KIRREL1: variants seen among roughly 807,000 people sequenced by gnomAD.
KIRREL1 encodes kin of IRRE-like protein 1.
A neutral mutation model predicts 83.3 loss-of-function variants in KIRREL1; 25 were observed. The ratio of observed to expected loss-of-function variants is 0.30; its 90% confidence interval spans 0.22 to 0.42. The LOEUF is 0.42. KIRREL1 is among the 10% of genes least tolerant of loss of function. The pLI, the probability that KIRREL1 is intolerant of heterozygous loss-of-function variation, is 1.00. For synonymous variants in KIRREL1, 388 were observed against 410.4 expected, an observed-to-expected ratio of 0.95 and a Z score of 0.66; for missense variants, 812 against 1,032.3, an observed-to-expected ratio of 0.79 and a Z score of 2.92.
At chr1:157,997,604 T>C (rs1310271146) in intron 1 of KIRREL1, among the ~76,000 whole-genome samples, 1 of 152,082 alleles carries the variant, frequency 6.6e-6, no homozygotes, top group East Asian at 1.9e-4. Flanking sequence ...ACTGACCCCC[T>C]CCTTGGAGAC....
intron 1 of KIRREL1, among the ~76,000 whole-genome samples, chr1:158,066,116 C>T (rs1300892879): frequency 6.6e-6 from 1 of 152,014 alleles, no homozygotes; most frequent in African/African-American, 2.4e-5. Context: ...TGTGCCCTGC[C>T]TCTAGAGAGG....
chr1:158,046,434 G>A (rs1450581341), intron 1 of KIRREL1, among the ~76,000 whole-genome samples: 1 of 152,162 alleles, frequency 6.6e-6, no homozygotes, highest in Non-Finnish European at 1.5e-5. Context: ...CAGCCAAGTG[G>A]GGGTGTCCAG....
rs1029568950 is a variant in KIRREL1 at position 158,000,072 on chromosome 1, G to GA, written c.52+6344_52+6345insA. Among the ~76,000 whole-genome samples, 15 of 150,736 alleles carry GA rather than the reference G, an allele frequency of 1.0e-4. No homozygotes were observed. In the Admixed American group the frequency reaches 1.0e-3, roughly 10 times the overall value. On this transcript the variant is annotated intron_variant, in intron 1 of 14. Coordinates refer to ENST00000359209, the MANE Select transcript of KIRREL1 (RefSeq NM_018240.7). Reference sequence around the variant, plus strand: ...ACCCAAGCAGGAAAGATGGGGTGGGGGCTGAGGATAATTCCTAGAAGGAAG... The same window carrying GA: ...ACCCAAGCAGGAAAGATGGGGTGGGGAGCTGAGGATAATTCCTAGAAGGAAG...
chr1:158,040,229 G>T lies in KIRREL1; in HGVS notation c.53-35884G>T, dbSNP rs544513038. 1.9e-4 allele frequency among the ~76,000 whole-genome samples: 29 copies of T among 152,250 alleles called. 1 individual carries two copies. Among genetic ancestry groups the T allele is most frequent in the African/African-American group, 6.7e-4 (28 of 41,550 alleles). On this transcript the variant is annotated intron_variant, in intron 1 of 14. Transcript: ENST00000359209. ...GACCCTTATGTAAGACCATTCCTGG[G>T]CTTGACCTCCAGGATGTAGATATAA...
intron 1 of KIRREL1, among the ~76,000 whole-genome samples, chr1:158,043,536 G>T (rs1660698381): frequency 6.6e-6 from 1 of 152,216 alleles, no homozygotes; most frequent in Admixed American, 6.5e-5. Context: ...TGATAGTTCA[G>T]GGGAGTTTGA....
intron 1 of KIRREL1, among the ~76,000 whole-genome samples, chr1:158,036,433 G>T (rs1490741533): frequency 6.6e-6 from 1 of 152,176 alleles, no homozygotes; most frequent in Admixed American, 6.5e-5. Context: ...AAGGGGACAT[G>T]CATGATGCTT....
chr1:158,068,391 G>A (rs1661413410), intron 1 of KIRREL1, among the ~76,000 whole-genome samples: 1 of 152,110 alleles, frequency 6.6e-6, no homozygotes, highest in Non-Finnish European at 1.5e-5. Context: ...TCAAAGGAGG[G>A]GGTTAAGGGT....
At chr1:158,070,963 G>A (rs965523789) in intron 1 of KIRREL1, among the ~76,000 whole-genome samples, 10 of 152,162 alleles carry the variant, frequency 6.6e-5, no homozygotes, top group African/African-American at 9.6e-5. Context: ...GGGCCTTCTC[G>A]TAATTTCCTA....
At chr1:158,033,699 G>A (rs1328155739) in intron 1 of KIRREL1, among the ~76,000 whole-genome samples, 1 of 152,114 alleles carries the variant, frequency 6.6e-6, no homozygotes, top group Non-Finnish European at 1.5e-5. Context: ...TGAAGTTTTC[G>A]GCCGGGCATG....
intron 1 of KIRREL1, among the ~76,000 whole-genome samples, chr1:158,004,376 C>T (rs1659454362): frequency 6.6e-6 from 1 of 152,080 alleles, no homozygotes; most frequent in South Asian, 2.1e-4. Flanking sequence ...TTAACTGGGC[C>T]AAGGAGGGTG....
At chr1:158,083,436 T>C (rs139506070) in intron 3 of KIRREL1, among the ~76,000 whole-genome samples, 2 of 152,328 alleles carry the variant, frequency 1.3e-5, no homozygotes, top group East Asian at 1.9e-4. Context: ...AGCACTTCAA[T>C]AGAAGCTGTG....
In KIRREL1 at chr1:158,019,758, G is replaced by T. The variant is rs186038299; in HGVS notation, c.52+26030G>T. On this transcript the variant is annotated intron_variant, in intron 1 of 14. Coordinates refer to ENST00000359209, the MANE Select transcript of KIRREL1 (RefSeq NM_018240.7). ...AGAGCAAGAGAAAGAGGCAGGAGAG[G>T]CAGAGAACTGCCTTCTCTCCATCTT... Among the ~76,000 whole-genome samples the T allele has an allele frequency of 3.6e-4, 55 of 152,246 alleles. 1 individual carries two copies. Among genetic ancestry groups the T allele is most frequent in the African/African-American group, 1.3e-3 (54 of 41,528 alleles).
At chr1:158,091,659 C>A (rs779553993) in intron 11 of KIRREL1, 103 bp downstream of exon 11, 2 of 1,140,292 alleles carry the variant, frequency 1.8e-6, no homozygotes, top group Non-Finnish European at 2.6e-6. Context: ...TTCCCTTGGG[C>A]TCTGCTCTGA....
At chr1:158,054,205 T>A (rs1333004354) in intron 1 of KIRREL1, among the ~76,000 whole-genome samples, 1 of 75,978 alleles carries the variant, frequency 1.3e-5, no homozygotes, top group African/African-American at 5.3e-5. Flanking sequence ...AGAGCAAGAC[T>A]CCATCTCAAA....
At chr1:158,022,966 G>C (rs1331503365) in intron 1 of KIRREL1, among the ~76,000 whole-genome samples, 2 of 152,230 alleles carry the variant, frequency 1.3e-5, no homozygotes, top group Non-Finnish European at 2.9e-5. Flanking sequence ...ACCACCCTGG[G>C]TGATGTGAGG....
At chr1:158,054,709 C>T (rs10796995) in intron 1 of KIRREL1, among the ~76,000 whole-genome samples, 111,391 of 152,110 alleles carry the variant, frequency 0.73, 42,976 homozygotes, top group East Asian at 0.91. Context: ...CCAGCTGATA[C>T]GTTTTGTTGC....
At chr1:158,013,032 T>TA (rs1397148833) in intron 1 of KIRREL1, among the ~76,000 whole-genome samples, 3 of 152,130 alleles carry the variant, frequency 2.0e-5, no homozygotes, top group African/African-American at 7.2e-5. Flanking sequence ...ACCTGGGAAG[T>TA]AAAATTGCCC....
chr1:158,019,584 T>C (rs942587457), intron 1 of KIRREL1, among the ~76,000 whole-genome samples: 2 of 152,076 alleles, frequency 1.3e-5, no homozygotes, highest in Non-Finnish European at 2.9e-5. Flanking sequence ...AGACTGAGGC[T>C]TTCACTCAGG....
chr1:158,080,700 C>T (rs77816765), intron 3 of KIRREL1, among the ~76,000 whole-genome samples: 7 of 152,166 alleles, frequency 4.6e-5, no homozygotes, highest in Admixed American at 3.3e-4. Flanking sequence ...GGATCTTCCT[C>T]CCGGGTGTGG....
Sources: gnomAD v4.1 joint callset for allele counts (sites outside exome capture counted in the v4.1 genomes callset) on GRCh38, gnomAD v4.1.1 for gene constraint, MANE v1.5 for transcripts, NCBI Gene and HGNC (gene_info 2026-07-23, HGNC 2026-07-21) for gene names.